The following KIAA1549L variants were observed in gnomAD, a reference collection of about 807,000 sequenced individuals.
The protein encoded by KIAA1549L is UPF0606 protein KIAA1549L.
A neutral mutation model predicts 160.7 loss-of-function variants in KIAA1549L; 88 were observed. The observed-to-expected ratio is 0.55, with a 90% CI of 0.46 to 0.65. KIAA1549L has a LOEUF of 0.65. Among genes scored for constraint, KIAA1549L ranks in the 30% least tolerant of loss-of-function variants. The pLI is 0.00. For synonymous variants in KIAA1549L, 950 were observed against 976.7 expected (o/e 0.97, Z 0.51); for missense variants, 2,258 against 2,437.5 (o/e 0.93, Z 1.55).
rs139728432 is a variant in KIAA1549L, at chr11:33,462,964, C to G, written c.239-78838C>G. On this transcript the variant is annotated intron_variant, in intron 1 of 20. Coordinates refer to ENST00000658780, the MANE Select transcript of KIAA1549L (RefSeq NM_012194.3). ...ACCTCTGCCTCCCGAGTAGCCAGGA[C>G]TCCAGGTGTGCGCCACCATGCCTGG... Among the ~76,000 whole-genome samples the G allele has an allele frequency of 1.5e-3, 226 of 152,092 alleles. 1 individual carries two copies. Among genetic ancestry groups the G allele is most frequent in the African/African-American group, 5.1e-3 (212 of 41,482 alleles).
intron 1 of KIAA1549L, among the ~76,000 whole-genome samples, chr11:33,472,851 G>A (rs961055432): frequency 1.3e-5 from 2 of 152,178 alleles, no homozygotes; most frequent in Admixed American, 1.3e-4. Flanking sequence ...AGTTGCTGCA[G>A]CTTCCCTCAT....
intron 1 of KIAA1549L, among the ~76,000 whole-genome samples, chr11:33,469,319 A>C (rs1391730999): frequency 6.6e-6 from 1 of 152,134 alleles, no homozygotes; most frequent in Non-Finnish European, 1.5e-5. Context: ...TTTACATGGC[A>C]TGATGTTTTC....
chr11:33,473,920 C>G (rs573892549), intron 1 of KIAA1549L, among the ~76,000 whole-genome samples: 2 of 152,278 alleles, frequency 1.3e-5, no homozygotes, highest in South Asian at 4.1e-4. Flanking sequence ...GTTTGATTGG[C>G]TCTTGGTTCT....
rs1851705253 is a variant in KIAA1549L, at chr11:33,645,854, A to G, written c.5578A>G (p.Ser1860Gly). 1 of 1,613,836 alleles carries G rather than the reference A, an allele frequency of 6.2e-7. No individual in the cohort carries two copies. The highest frequency in any genetic ancestry group is 8.5e-7 in the Non-Finnish European group (1 of 1,179,910). Residue 1860 changes from serine (S) to glycine (G), a missense_variant, in exon 17 of 21, where the codon AGC becomes GGC. Physicochemically the swap from Ser to Gly is moderately conservative, Grantham distance 56. This residue lies in a region of KIAA1549L where 1,359 missense variants were observed against 1,546.6 expected (regional missense o/e 0.88). Transcript: ENST00000658780. ...QMHMLLEEAF[S>G]LASAGHAGQS... Reference sequence around the variant, plus strand: ...GCACATGCTGCTGGAGGAGGCCTTCAGCCTGGCATCCGCGGGCCACGCAGG... The same window carrying G: ...GCACATGCTGCTGGAGGAGGCCTTCGGCCTGGCATCCGCGGGCCACGCAGG...
intron 17 of KIAA1549L, among the ~76,000 whole-genome samples, chr11:33,654,391 C>G (rs1851991988): frequency 6.6e-6 from 1 of 152,218 alleles, no homozygotes; most frequent in Non-Finnish European, 1.5e-5. Flanking sequence ...CTCTTTTTAA[C>G]TTCACTTTTC....
intron 7 of KIAA1549L, among the ~76,000 whole-genome samples, chr11:33,560,845 ATGTT>A (rs1192431117): frequency 2.0e-5 from 3 of 152,156 alleles, no homozygotes; most frequent in African/African-American, 4.8e-5. Flanking sequence ...TTTTTTTCAA[ATGTT>A]TGTTTAATGG....
intron 16 of KIAA1549L, among the ~76,000 whole-genome samples, chr11:33,630,551 C>T (rs374277921): frequency 6.6e-5 from 10 of 152,310 alleles, no homozygotes; most frequent in African/African-American, 7.2e-5. Flanking sequence ...TTCCAGGTGC[C>T]GTTTGTCACC....
At chr11:33,562,423 G>A (rs761395497) in intron 8 of KIAA1549L, among the ~76,000 whole-genome samples, 18 of 152,238 alleles carry the variant, frequency 1.2e-4, no homozygotes, top group Non-Finnish European at 2.5e-4. Context: ...CTATAAGCAA[G>A]TGCCACAGAC....
At chr11:33,455,099 A>C (rs184494602) in intron 1 of KIAA1549L, among the ~76,000 whole-genome samples, 2 of 152,300 alleles carry the variant, frequency 1.3e-5, no homozygotes, top group East Asian at 1.9e-4. Flanking sequence ...AAAAAACAAA[A>C]CAAAACAAAA....
chr11:33,496,456 G>C (rs543471328), intron 1 of KIAA1549L, among the ~76,000 whole-genome samples: 2 of 152,346 alleles, frequency 1.3e-5, no homozygotes, highest in Non-Finnish European at 2.9e-5. Context: ...TGCTGGTCTA[G>C]TGCACATCTT....
intron 1 of KIAA1549L, among the ~76,000 whole-genome samples, chr11:33,447,371 A>G (rs578013294): frequency 5.3e-4 from 80 of 152,274 alleles, no homozygotes; most frequent in African/African-American, 1.8e-3. Flanking sequence ...TGACAGCTGC[A>G]CTTACACTCA....
chr11:33,600,680 CAATG>C (rs914975298), intron 13 of KIAA1549L, among the ~76,000 whole-genome samples: 4 of 152,122 alleles, frequency 2.6e-5, no homozygotes, highest in African/African-American at 9.7e-5. Context: ...CCGAATAACT[CAATG>C]TATATCTTTC....
chr11:33,617,197 G>A (rs1394221344), intron 15 of KIAA1549L, among the ~76,000 whole-genome samples: 1 of 151,652 alleles, frequency 6.6e-6, no homozygotes, highest in East Asian at 1.9e-4. Flanking sequence ...TAGAATGCAA[G>A]TTAATCACAG....
At chr11:33,491,603 A>C (rs1397352237) in intron 1 of KIAA1549L, among the ~76,000 whole-genome samples, 6 of 152,224 alleles carry the variant, frequency 3.9e-5, no homozygotes, top group Non-Finnish European at 8.8e-5. Context: ...AAGCTAAAAA[A>C]AATAAAACTA....
intron 1 of KIAA1549L, among the ~76,000 whole-genome samples, chr11:33,506,722 A>G (rs181651097): frequency 6.6e-5 from 10 of 152,150 alleles, no homozygotes; most frequent in African/African-American, 1.9e-4. Context: ...CTAAAAAAAA[A>G]AAAAAAATTG....
chr11:33,638,187 A>G (rs1393090097), intron 16 of KIAA1549L, among the ~76,000 whole-genome samples: 1 of 152,206 alleles, frequency 6.6e-6, no homozygotes, highest in Admixed American at 6.5e-5. Flanking sequence ...GTACACCCTT[A>G]TAACCACCAG....
intron 1 of KIAA1549L, among the ~76,000 whole-genome samples, chr11:33,435,798 A>ATATATGTGTGTGTGTG (rs1565135872): frequency 2.6e-4 from 2 of 7,624 alleles, no homozygotes; most frequent in African/African-American, 8.1e-4. Flanking sequence ...ATATATATAT[A>ATATATGTGTGTGTGTG]TATATATATA....
chr11:33,580,583 A>AG (rs1421578325), intron 10 of KIAA1549L, among the ~76,000 whole-genome samples: 4 of 143,772 alleles, frequency 2.8e-5, no homozygotes, highest in African/African-American at 1.2e-4. Flanking sequence ...AAAAAAAAAA[A>AG]AAAAAAAAGA....
chr11:33,604,287 T>C (rs1850441867), intron 13 of KIAA1549L, among the ~76,000 whole-genome samples: 1 of 152,140 alleles, frequency 6.6e-6, no homozygotes, highest in African/African-American at 2.4e-5. Flanking sequence ...TCTAGAGTCT[T>C]AACTGGCAAA....
Sources: gnomAD v4.1 joint callset for allele counts (sites outside exome capture counted in the v4.1 genomes callset) on GRCh38, gnomAD v4.1.1 for gene constraint, gnomAD v4.1.1 regional missense constraint, MANE v1.5 for transcripts, NCBI Gene and HGNC (gene_info 2026-07-23, HGNC 2026-07-21) for gene names.